The following STAC variants were observed in gnomAD, a reference collection of about 807,000 sequenced individuals.
STAC encodes SH3 and cysteine-rich domain-containing protein.
Under a neutral mutation model 48.8 loss-of-function variants are expected in STAC, and 43 were observed. The observed-to-expected ratio is 0.88, with a 90% confidence interval of 0.69 to 1.14. The LOEUF is 1.14. STAC is among the 50% of genes most tolerant of loss of function. The pLI is 0.00. For missense variants in STAC, 497 were observed against 504.0 expected (o/e 0.99, Z 0.13); for synonymous variants, 193 against 179.5 (o/e 1.07, Z -0.60).
Position 36,546,935 on chromosome 3 carries a change from T to C in STAC, c.*646T>C. 1 of 152,702 alleles carries C rather than the reference T, an allele frequency of 6.5e-6. No homozygotes were observed. Among genetic ancestry groups the C allele is most frequent in the Non-Finnish European group, 1.5e-5 (1 of 68,396 alleles). 9.5% of individuals were successfully genotyped at this position (152,702 alleles called of 1,614,324 possible). A position where few individuals can be genotyped will look rare whatever the true frequency, so the allele number is the denominator to read the frequency against. On this transcript the variant is annotated 3_prime_UTR_variant, in exon 11 of 11. Coordinates refer to ENST00000273183, the MANE Select transcript of STAC (RefSeq NM_003149.3). The stretch of plus-strand genomic sequence containing the variant: ...AGGGCTATGTTGACATGGCATCACC[T>C]CCAAAGACCTGACCTGCCTAAAGAC...
At chr3:36,473,659 T>C (rs1252751747) in intron 2 of STAC, among the ~76,000 whole-genome samples, 1 of 152,218 alleles carries the variant, frequency 6.6e-6, no homozygotes, top group Non-Finnish European at 1.5e-5. Context: ...CCATGGTGTC[T>C]TTATAAACTA....
chr3:36,515,459 C>T (rs989948715), intron 8 of STAC, among the ~76,000 whole-genome samples: 2 of 151,878 alleles, frequency 1.3e-5, no homozygotes, highest in African/African-American at 4.8e-5. Context: ...TTGAAGACTT[C>T]AGTGTTTGAA....
intron 6 of STAC, among the ~76,000 whole-genome samples, chr3:36,503,084 C>G (rs908488996): frequency 6.6e-6 from 1 of 152,148 alleles, no homozygotes; most frequent in Non-Finnish European, 1.5e-5. Flanking sequence ...ATAGAGCTTT[C>G]TGTGGTGATC....
At chr3:36,469,126 T>C (rs1056645610) in intron 2 of STAC, among the ~76,000 whole-genome samples, 2 of 152,110 alleles carry the variant, frequency 1.3e-5, no homozygotes, top group African/African-American at 2.4e-5. Flanking sequence ...ATTCTATTCA[T>C]CGTGCTATTT....
intron 1 of STAC, among the ~76,000 whole-genome samples, chr3:36,431,640 T>C (rs540118617): frequency 1.5e-4 from 23 of 152,046 alleles, no homozygotes; most frequent in Middle Eastern, 3.2e-3. Context: ...AAAACATCAA[T>C]GAGCAATGTA....
intron 10 of STAC, among the ~76,000 whole-genome samples, chr3:36,530,000 A>T (rs773778637): frequency 6.6e-6 from 1 of 152,080 alleles, no homozygotes; most frequent in East Asian, 1.9e-4. Context: ...CACATCTGTA[A>T]TCCCAGCTAC....
At chr3:36,453,210 C>T (rs1157979827) in intron 2 of STAC, among the ~76,000 whole-genome samples, 2 of 152,266 alleles carry the variant, frequency 1.3e-5, no homozygotes, top group East Asian at 3.9e-4. Flanking sequence ...TGCTCGCTCC[C>T]GGCGCCTCCT....
At position 36,514,425 on chromosome 3, in the gene STAC, GTT is replaced by G. The variant is rs1408910695; in HGVS notation, c.920+8592_920+8593del. 2.4e-4 allele frequency among the ~76,000 whole-genome samples: 36 copies of G among 151,520 alleles called. No homozygotes were observed. The East Asian group carries it at 4.5e-3, about 19-fold the overall frequency. On this transcript the variant is annotated intron_variant, in intron 8 of 10. Transcript: ENST00000273183. ...TCATTTCCTTGTTGCAGCCTTTCCTGTTACCCTACTTTGGATTACATTCTTCT... is the reference window on the plus strand; with the variant it reads ...TCATTTCCTTGTTGCAGCCTTTCCTGACCCTACTTTGGATTACATTCTTCT...
chr3:36,415,918 T>C (rs1271632486), intron 1 of STAC, among the ~76,000 whole-genome samples: 1 of 152,180 alleles, frequency 6.6e-6, no homozygotes, highest in Non-Finnish European at 1.5e-5. Flanking sequence ...ATATATATGG[T>C]TGTATATGGT....
chr3:36,456,506 G>A (rs1294891375), intron 2 of STAC, among the ~76,000 whole-genome samples: 3 of 152,152 alleles, frequency 2.0e-5, no homozygotes, highest in Non-Finnish European at 2.9e-5. Flanking sequence ...CTTCTTCCCT[G>A]TCTTAATGCC....
intron 1 of STAC, among the ~76,000 whole-genome samples, chr3:36,381,632 G>A (rs537405746): frequency 6.6e-6 from 1 of 152,296 alleles, no homozygotes; most frequent in South Asian, 2.1e-4. Flanking sequence ...GTGTATACCA[G>A]CAAAGGAAAG....
At chr3:36,423,602 A>AC (rs1400657219) in intron 1 of STAC, among the ~76,000 whole-genome samples, 1 of 152,086 alleles carries the variant, frequency 6.6e-6, no homozygotes, top group Non-Finnish European at 1.5e-5. Context: ...CTGGAAGAAG[A>AC]AACTATTCAT....
chr3:36,435,436 T>G (rs1043255104), intron 1 of STAC, among the ~76,000 whole-genome samples: 1 of 152,144 alleles, frequency 6.6e-6, no homozygotes, highest in Non-Finnish European at 1.5e-5. Flanking sequence ...CCCACGGACA[T>G]GGCTCCAGCA....
chr3:36,459,648 G>T (rs988531855), intron 2 of STAC, among the ~76,000 whole-genome samples: 1 of 152,094 alleles, frequency 6.6e-6, no homozygotes, highest in Non-Finnish European at 1.5e-5. Flanking sequence ...TTTGGTTTTC[G>T]TCAGAAACAG....
rs373421452 is a variant in STAC at position 36,380,626 on chromosome 3, C to A, written c.-18C>A. ...CGCTGTTCCTCCGGGAGCCCAACACCGTTCCCGCGCGGCCACGATGATCCC... is the reference window on the plus strand; with the variant it reads ...CGCTGTTCCTCCGGGAGCCCAACACAGTTCCCGCGCGGCCACGATGATCCC... On this transcript the variant is annotated 5_prime_UTR_variant, in exon 1 of 11. Coordinates refer to ENST00000273183, the MANE Select transcript of STAC (RefSeq NM_003149.3). 66 of 1,559,892 alleles carry A rather than the reference C, an allele frequency of 4.2e-5. No homozygotes were observed. The African/African-American group carries it at 6.6e-4, about 16-fold the overall frequency.
chr3:36,546,442 A>T lies in STAC; in HGVS notation c.*153A>T. ...CAAGTATCTGAGACTGTGGAGTAATAGCCACAAAACAGAGGGCCCACTGCA... is the reference window on the plus strand; with the variant it reads ...CAAGTATCTGAGACTGTGGAGTAATTGCCACAAAACAGAGGGCCCACTGCA... On this transcript the variant is annotated 3_prime_UTR_variant, in exon 11 of 11. Transcript: ENST00000273183. 1 of 661,878 alleles carries T rather than the reference A, an allele frequency of 1.5e-6. No individual in the cohort carries two copies. 41.0% of individuals were successfully genotyped at this position (661,878 alleles called of 1,614,324 possible).
At chr3:36,470,737 G>A (rs73827507) in intron 2 of STAC, among the ~76,000 whole-genome samples, 4,746 of 152,310 alleles carry the variant, frequency 0.031, 223 homozygotes, top group African/African-American at 0.11. Context: ...CCCCAAGTGG[G>A]ATCTGCAAGC....
chr3:36,423,893 C>T (rs1294228240), intron 1 of STAC, among the ~76,000 whole-genome samples: 1 of 152,082 alleles, frequency 6.6e-6, no homozygotes, highest in East Asian at 1.9e-4. Context: ...TCTTCTTTTG[C>T]TCATAAATAA....
intron 1 of STAC, among the ~76,000 whole-genome samples, chr3:36,441,702 A>T (rs567464410): frequency 6.6e-6 from 1 of 152,316 alleles, no homozygotes; most frequent in South Asian, 2.1e-4. Flanking sequence ...ACTAGTTTAC[A>T]TTCCCACAAA....
Sources: gnomAD v4.1 joint callset for allele counts (sites outside exome capture counted in the v4.1 genomes callset) on GRCh38, gnomAD v4.1.1 for gene constraint, MANE v1.5 for transcripts, NCBI Gene and HGNC (gene_info 2026-07-23, HGNC 2026-07-21) for gene names.